Variants in ANO3 observed in about 807,000 individuals in gnomAD.
ANO3 encodes the protein anoctamin 3, also known as anoctamin-3.
Under a neutral mutation model 144.8 loss-of-function variants are expected in ANO3, and 99 were observed. The ratio of observed to expected loss-of-function variants is 0.68; its 90% confidence interval spans 0.58 to 0.81. The LOEUF (loss-of-function observed/expected upper bound fraction) is 0.81, where lower values mean the gene tolerates loss of function less well. Ranked by LOEUF, ANO3 falls within the 30% of genes least tolerant of loss-of-function variation. The probability of loss-of-function intolerance (pLI) is 0.00; values close to 1 mark genes in which losing one functional copy is unlikely to be tolerated. For synonymous variants in ANO3, 414 were observed against 392.6 expected (o/e 1.05, Z -0.64); for missense variants, 905 against 1,202.2 (o/e 0.75, Z 3.66).
At chr11:26,250,300 T>C (rs1391629313) in intron 1 of ANO3, among the ~76,000 whole-genome samples, 1 of 152,236 alleles carries the variant, frequency 6.6e-6, no homozygotes, top group African/African-American at 2.4e-5. Flanking sequence ...TTCCACCCAT[T>C]TGCATTTAGG....
chr11:26,198,041 T>C (rs112050823), intron 1 of ANO3, among the ~76,000 whole-genome samples: 4,319 of 152,092 alleles, frequency 0.028, 70 homozygotes, highest in Middle Eastern at 0.037. Context: ...TGGTGGTGAG[T>C]GAGGACCTCC....
chr11:26,271,567 T>C (rs1479323270), intron 1 of ANO3, among the ~76,000 whole-genome samples: 1 of 152,228 alleles, frequency 6.6e-6, no homozygotes, highest in Non-Finnish European at 1.5e-5. Flanking sequence ...AAGCTCTTTC[T>C]ACACATTTTA....
chr11:26,199,575 G>A (rs185520677), intron 1 of ANO3, among the ~76,000 whole-genome samples: 3 of 152,094 alleles, frequency 2.0e-5, no homozygotes, highest in Admixed American at 6.5e-5. Context: ...GTTAGGAACT[G>A]GGCCAAAGAT....
intron 17 of ANO3, among the ~76,000 whole-genome samples, chr11:26,602,767 A>G (rs1488929147): frequency 1.3e-5 from 2 of 150,988 alleles, no homozygotes; most frequent in Non-Finnish European, 3.0e-5. Context: ...AAAAGACATT[A>G]CTGTGTAATA....
intron 2 of ANO3, among the ~76,000 whole-genome samples, chr11:26,442,637 A>G (rs1858561537): frequency 1.3e-5 from 2 of 152,144 alleles, no homozygotes; most frequent in South Asian, 2.1e-4. Context: ...CGCTGTGGCT[A>G]CCCTTAGGCA....
Position 26,642,003 on chromosome 11 carries a change from G to C in ANO3, c.2249G>C (p.Gly750Ala). ...AATCTGCAGCCCATGAACCTTCATG[G>C]ACTGATGGATGAGTACTTAGAAATG... ...DWNLQPMNLH[G>A]LMDEYLEMVL... is the part of the protein sequence containing the mutation. The change falls in exon 22 of 27, where the codon GGA (glycine) becomes GCA (alanine). Residue 750 changes from glycine to alanine, a missense_variant. Around this residue, in one of 4 missense-constraint regions of ANO3, gnomAD observed 597 missense variants for 865.1 expected, o/e 0.69. Transcript: ENST00000256737. The C allele has an allele frequency of 6.2e-7, 1 of 1,613,862 alleles. No individual in the cohort carries two copies. Among genetic ancestry groups the C allele is most frequent in the Non-Finnish European group, 8.5e-7 (1 of 1,179,912 alleles).
At chr11:26,300,672 G>A (rs1162056709) in intron 1 of ANO3, among the ~76,000 whole-genome samples, 1 of 152,016 alleles carries the variant, frequency 6.6e-6, no homozygotes, top group East Asian at 1.9e-4. Context: ...TGTGGAACAG[G>A]TGTATAGAAA....
intron 1 of ANO3, among the ~76,000 whole-genome samples, chr11:26,277,889 A>G (rs569415885): frequency 6.6e-6 from 1 of 152,190 alleles, no homozygotes; most frequent in Non-Finnish European, 1.5e-5. Context: ...AGATATCTTT[A>G]TGAATAAAAG....
At chr11:26,263,164 A>G (rs1236498506) in intron 1 of ANO3, among the ~76,000 whole-genome samples, 1 of 152,146 alleles carries the variant, frequency 6.6e-6, no homozygotes, top group East Asian at 1.9e-4. Context: ...TTCAACTTCC[A>G]GACTCTAAAT....
At chr11:26,253,428 G>A (rs1381327598) in intron 1 of ANO3, among the ~76,000 whole-genome samples, 2 of 151,848 alleles carry the variant, frequency 1.3e-5, no homozygotes, top group Admixed American at 6.6e-5. Flanking sequence ...AGGAGGGAGA[G>A]GATCAGGAAA....
In ANO3 at chr11:26,598,926, A is replaced by G; in HGVS notation, c.1599A>G (p.Lys533=). ...AGATTGTAAATCCCATCACGGGAAA[A>G]CCTGAACCACATCAGCCTTCCTCAG... is the stretch of plus-strand genomic sequence containing the variant. ...KMEIVNPITG[K]PEPHQPSSDK... is the part of the protein sequence containing the mutation. Residue 533 remains lysine, a synonymous_variant, in exon 16 of 27, where the codon AAA becomes AAG. Coordinates refer to ENST00000256737, the MANE Select transcript of ANO3 (RefSeq NM_031418.4). The G allele has an allele frequency of 6.2e-7, 1 of 1,614,016 alleles. No homozygotes were observed.
intron 1 of ANO3, among the ~76,000 whole-genome samples, chr11:26,259,901 T>C (rs1474902714): frequency 1.3e-5 from 2 of 152,064 alleles, no homozygotes; most frequent in Non-Finnish European, 2.9e-5. Context: ...TGGTCCCTCA[T>C]GGCTAACACG....
intron 1 of ANO3, among the ~76,000 whole-genome samples, chr11:26,402,992 T>C (rs1184406019): frequency 2.6e-5 from 4 of 151,994 alleles, no homozygotes; most frequent in African/African-American, 9.7e-5. Flanking sequence ...ATCCCTTTTA[T>C]GTACCTGTTT....
At chr11:26,636,001 C>T (rs10767564) in intron 20 of ANO3, among the ~76,000 whole-genome samples, 52,841 of 152,012 alleles carry the variant, frequency 0.35, 9,774 homozygotes, top group South Asian at 0.48. Context: ...AGTTTGAGAC[C>T]GGTCTGGGCA....
intron 10 of ANO3, among the ~76,000 whole-genome samples, chr11:26,537,678 C>A (rs1181305404): frequency 6.6e-6 from 1 of 152,182 alleles, no homozygotes; most frequent in Non-Finnish European, 1.5e-5. Flanking sequence ...GAATCCCAGC[C>A]TTAGCGAGAA....
At chr11:26,533,687 C>T (rs1849430841) in intron 8 of ANO3, among the ~76,000 whole-genome samples, 1 of 152,072 alleles carries the variant, frequency 6.6e-6, no homozygotes, top group South Asian at 2.1e-4. Context: ...GGCAATGAGA[C>T]CCAGAACAAA....
rs144643690 is a variant in ANO3 at position 26,262,719 on chromosome 11, A to AACAC, written c.155-46908_155-46905dup. 1.0e-2 allele frequency among the ~76,000 whole-genome samples: 1,487 copies of AACAC among 149,188 alleles called. 21 individuals are homozygous for AACAC. The highest frequency in any genetic ancestry group is 0.035 in the African/African-American group (1,419 of 40,602). On this transcript the variant is annotated intron_variant, in intron 1 of 27. Transcript: ENST00000672621. ...TAATAGGATTAGTATCCTTATAGTA[A>AACAC]ACACACACACACACACACACAGAGA...
intron 1 of ANO3, among the ~76,000 whole-genome samples, chr11:26,413,768 A>T (rs527247599): frequency 9.9e-5 from 15 of 152,192 alleles, no homozygotes; most frequent in South Asian, 2.1e-4. Flanking sequence ...AAAGGGATTC[A>T]TTTGAGAGAA....
chr11:26,644,843 A>ACACACACC (rs1395814051), intron 23 of ANO3, among the ~76,000 whole-genome samples: 1 of 151,734 alleles, frequency 6.6e-6, no homozygotes, highest in Non-Finnish European at 1.5e-5. Flanking sequence ...ACACACACAC[A>ACACACACC]CACACATACC....
Sources: allele counts gnomAD v4.1 joint callset (sites outside exome capture counted in the v4.1 genomes callset), GRCh38; gene constraint gnomAD v4.1.1; regional missense constraint gnomAD v4.1.1; transcripts MANE v1.5; gene names NCBI Gene and HGNC (gene_info 2026-07-23, HGNC 2026-07-21).